The following CEP120 variants were observed in gnomAD, a reference collection of about 807,000 sequenced individuals.
CEP120 encodes centrosomal protein 120.
In CEP120, 113 loss-of-function variants were observed where a neutral mutation model predicts 126.5. That is an observed-to-expected ratio of 0.89 (90% CI 0.77 to 1.04). The LOEUF (loss-of-function observed/expected upper bound fraction) is 1.04, where lower values mean the gene tolerates loss of function less well. CEP120 is among the 50% of genes least tolerant of loss of function. The pLI is 0.00. For missense variants in CEP120, 1,230 were observed against 1,155.7 expected, an observed-to-expected ratio of 1.06 and a Z score of -0.93; for synonymous variants, 400 against 394.3, an observed-to-expected ratio of 1.01 and a Z score of -0.17.
chr5:123,359,380 T>C (rs1429867527), intron 18 of CEP120, among the ~76,000 whole-genome samples: 1 of 152,052 alleles, frequency 6.6e-6, no homozygotes, highest in African/African-American at 2.4e-5. Context: ...TTTTAAAAAG[T>C]AGGTTTTATT....
At chr5:123,422,736 T>G (rs186542512) in intron 1 of CEP120, among the ~76,000 whole-genome samples, 1 of 152,242 alleles carries the variant, frequency 6.6e-6, no homozygotes, top group Non-Finnish European at 1.5e-5. Flanking sequence ...CTAGTCACGC[T>G]AAATATCACT....
intron 3 of CEP120, among the ~76,000 whole-genome samples, chr5:123,414,737 C>T (rs924616650): frequency 2.0e-4 from 31 of 152,006 alleles, no homozygotes; most frequent in Non-Finnish European, 3.7e-4. Flanking sequence ...GAGGCCAAGG[C>T]CGGTGGTTCA....
chr5:123,357,434 T>C (rs1769721836), intron 18 of CEP120, among the ~76,000 whole-genome samples: 1 of 152,122 alleles, frequency 6.6e-6, no homozygotes, highest in Admixed American at 6.6e-5. Context: ...CTAATACATT[T>C]CTTCATCATA....
chr5:123,375,267 A>AAGTT (rs1426388324), intron 16 of CEP120, among the ~76,000 whole-genome samples: 3 of 152,066 alleles, frequency 2.0e-5, no homozygotes, highest in Admixed American at 2.0e-4. Context: ...CTTCCCACCA[A>AAGTT]AGTTAGTTAT....
intron 19 of CEP120, among the ~76,000 whole-genome samples, chr5:123,349,495 T>G (rs565191459): frequency 6.6e-6 from 1 of 152,314 alleles, no homozygotes; most frequent in South Asian, 2.1e-4. Flanking sequence ...CTCAGTTTAA[T>G]AGTAGCAATA....
In CEP120 at chr5:123,386,506, T is replaced by G; in HGVS notation, c.1580+12A>C. ...AAATTAATTAATATCATACATACAC[T>G]GTATGCATTACCTTAAGAAGGTGTC... On this transcript the variant is annotated intron_variant, in intron 10 of 19. Coordinates refer to ENST00000306467, the MANE Select transcript of CEP120 (RefSeq NM_001375405.1). The G allele has an allele frequency of 6.6e-7, 1 of 1,521,422 alleles. No individual in the cohort carries two copies. Among genetic ancestry groups the G allele is most frequent in the South Asian group, 1.3e-5 (1 of 74,986 alleles). The allele number at this position is 1,521,422 out of a possible 1,614,324, so 94.2% of individuals were successfully genotyped here.
rs1163240779 is a variant in CEP120 at position 123,382,726 on chromosome 5, T to C, written c.2013+11A>G. 6.2e-7 allele frequency: 1 copy of C among 1,606,936 alleles called. No homozygotes were observed. The highest frequency in any genetic ancestry group is 1.1e-5 in the South Asian group (1 of 90,156). On this transcript the variant is annotated intron_variant, in intron 13 of 19. Coordinates refer to ENST00000306467, the MANE Select transcript of CEP120 (RefSeq NM_001375405.1). Reference sequence around the variant, plus strand: ...AAAGCAGATTTTTTAAAGTAACATTTAAAAAGTAACCTGATTTTCAAATAT... The same window carrying C: ...AAAGCAGATTTTTTAAAGTAACATTCAAAAAGTAACCTGATTTTCAAATAT...
At position 123,344,973 on chromosome 5, in the gene CEP120, T is replaced by G. The variant is rs1047484; in HGVS notation, c.*1546A>C. On this transcript the variant is annotated 3_prime_UTR_variant, in exon 20 of 20. Coordinates refer to ENST00000306467, the MANE Select transcript of CEP120 (RefSeq NM_001375405.1). ...AGGCAAAATAAACTACACATCCATT[T>G]TAGAAAAGTCCTTTTTATTTCTTTA... 0.18 allele frequency: 27,565 copies of G among 152,138 alleles called. 2,963 individuals carry two copies. Among genetic ancestry groups the G allele is most frequent in the Middle Eastern group, 0.24 (72 of 294 alleles). 9.4% of individuals were successfully genotyped at this position (152,138 alleles called of 1,614,324 possible). A position where few individuals can be genotyped will look rare whatever the true frequency, so the allele number is the denominator to read the frequency against.
intron 5 of CEP120, among the ~76,000 whole-genome samples, chr5:123,397,110 G>A (rs1016789993): frequency 6.6e-6 from 1 of 152,184 alleles, no homozygotes; most frequent in Admixed American, 6.5e-5. Flanking sequence ...GATCACCTGA[G>A]GTCAGGAGTT....
chr5:123,358,065 T>G (rs1769773628), intron 18 of CEP120, among the ~76,000 whole-genome samples: 1 of 152,144 alleles, frequency 6.6e-6, no homozygotes, highest in Non-Finnish European at 1.5e-5. Context: ...TACTAACACA[T>G]TCAGTGTTCT....
At position 123,388,490 on chromosome 5, in the gene CEP120, T is replaced by C. The variant is rs371963448; in HGVS notation, c.1372A>G (p.Ile458Val). ...AAGGCATGTATACTCCTTAAGTCTA[T>C]TGAAAAGCAAAAATGATGTGATGTT... is the stretch of plus-strand genomic sequence containing the variant. ...PATSHHFCFS[I>V]DLRSIHALEI... The change falls in exon 9 of 20, where the codon ATA (isoleucine) becomes GTA (valine). Residue 458 changes from isoleucine (I) to valine (V), a missense_variant. By Grantham distance (29) the Ile-to-Val change is conservative (BLOSUM62 3). Transcript: ENST00000306467. 38 of 1,609,084 alleles carry C rather than the reference T, an allele frequency of 2.4e-5. No individual in the cohort carries two copies. Among genetic ancestry groups the C allele is most frequent in the Middle Eastern group, 3.3e-4 (2 of 6,038 alleles).
At chr5:123,381,038 A>G (rs1771604996) in intron 14 of CEP120, among the ~76,000 whole-genome samples, 1 of 151,368 alleles carries the variant, frequency 6.6e-6, no homozygotes, top group Non-Finnish European at 1.5e-5. Context: ...AAGTTAGAAA[A>G]AGCTGATTTG....
intron 18 of CEP120, among the ~76,000 whole-genome samples, chr5:123,354,728 A>G (rs1027721406): frequency 1.3e-5 from 2 of 151,842 alleles, no homozygotes; most frequent in Non-Finnish European, 2.9e-5. Flanking sequence ...CTTACTTAGT[A>G]TTATTGTAGT....
intron 5 of CEP120, 75 bp downstream of exon 5, chr5:123,399,061 T>A: frequency 1.7e-6 from 2 of 1,191,240 alleles, no homozygotes; most frequent in Non-Finnish European, 2.2e-6. Context: ...CAAGTCTTTT[T>A]AATACCTGAA....
intron 5 of CEP120, among the ~76,000 whole-genome samples, chr5:123,398,124 G>T (rs1772918959): frequency 6.6e-6 from 1 of 151,988 alleles, no homozygotes; most frequent in Admixed American, 6.6e-5. Flanking sequence ...GATAAAAATT[G>T]TACAGTTATA....
intron 18 of CEP120, among the ~76,000 whole-genome samples, chr5:123,355,466 A>G (rs1447795821): frequency 1.3e-5 from 2 of 152,098 alleles, no homozygotes; most frequent in Non-Finnish European, 1.5e-5. Context: ...TGACTTTTTA[A>G]TGATCGCCAT....
intron 17 of CEP120, among the ~76,000 whole-genome samples, chr5:123,367,555 G>A (rs569723120): frequency 4.0e-4 from 60 of 151,704 alleles, no homozygotes; most frequent in Non-Finnish European, 6.5e-4. Context: ...TGCTGAACAG[G>A]TAAATACAAT....
intron 14 of CEP120, among the ~76,000 whole-genome samples, chr5:123,379,096 C>G (rs951953939): frequency 6.6e-6 from 1 of 151,864 alleles, no homozygotes; most frequent in South Asian, 2.1e-4. Flanking sequence ...AGAGATAAAC[C>G]GGGTAAGGAT....
At chr5:123,401,360 C>A in intron 4 of CEP120, 1 of 1,576,082 alleles carries the variant, frequency 6.3e-7, no homozygotes. Flanking sequence ...CAGGAAAGCC[C>A]TCTGGCCTTT....
Sources: gnomAD v4.1 joint callset for allele counts (sites outside exome capture counted in the v4.1 genomes callset) on GRCh38, gnomAD v4.1.1 for gene constraint, MANE v1.5 for transcripts, NCBI Gene and HGNC (gene_info 2026-07-23, HGNC 2026-07-21) for gene names.